Variants in ZNF69 observed in about 807,000 individuals in gnomAD.
ZNF69 encodes ZNF3.
ZNF69 carries 47 observed loss-of-function variants against 50.9 expected under a neutral mutation model. The ratio of observed to expected loss-of-function variants is 0.92; its 90% CI spans 0.73 to 1.18. The LOEUF (loss-of-function observed/expected upper bound fraction) is 1.18, where lower values mean the gene tolerates loss of function less well. Ranked by LOEUF, ZNF69 falls within the 50% of genes most tolerant of loss-of-function variation. The pLI is 0.00. For missense variants in ZNF69, 717 were observed against 675.1 expected (o/e 1.06, Z -0.69); for synonymous variants, 216 against 223.1 (o/e 0.97, Z 0.29).
chr19:11,910,948 T>A (rs1192235528), downstream of ZNF69, among the ~76,000 whole-genome samples: 1 of 152,090 alleles, frequency 6.6e-6, no homozygotes, highest in Non-Finnish European at 1.5e-5. Context: ...ATATCCAGAA[T>A]CTACAAAGAA....
the ZNF69 span, among the ~76,000 whole-genome samples, chr19:11,935,935 C>A: frequency 0.095 from 14,386 of 152,160 alleles, 1,271 homozygotes; most frequent in African/African-American, 0.24. Flanking sequence ...TCAGTTCCCA[C>A]CTATGAGTGA....
chr19:11,951,237 T>G, the ZNF69 span, among the ~76,000 whole-genome samples: 18 of 127,730 alleles, frequency 1.4e-4, no homozygotes, highest in East Asian at 1.4e-3. Context: ...CTGGTTTTTG[T>G]TTTTTTTTTT....
chr19:11,938,914 C>T, the ZNF69 span, among the ~76,000 whole-genome samples: 1 of 152,112 alleles, frequency 6.6e-6, no homozygotes, highest in South Asian at 2.1e-4. Context: ...TAATGATTGC[C>T]ATTCTAACTG....
At chr19:11,962,186 G>C in the ZNF69 span, among the ~76,000 whole-genome samples, 1 of 152,038 alleles carries the variant, frequency 6.6e-6, no homozygotes, top group Non-Finnish European at 1.5e-5. Context: ...GGAGGCTGAG[G>C]GGGGTGGATC....
the ZNF69 span, among the ~76,000 whole-genome samples, chr19:11,976,524 C>G: frequency 6.8e-6 from 1 of 146,420 alleles, no homozygotes. Context: ...CCACTGCACT[C>G]CAGCCTGGGC....
intron 1 of ZNF69, among the ~76,000 whole-genome samples, chr19:11,896,199 A>C (rs1977223421): frequency 6.8e-6 from 1 of 148,110 alleles, no homozygotes; most frequent in African/African-American, 2.5e-5. Context: ...AGCCTTGGCA[A>C]CAAGGGCGAA....
At chr19:11,948,295 G>A in the ZNF69 span, 1 of 1,613,286 alleles carries the variant, frequency 6.2e-7, no homozygotes. Flanking sequence ...AGAAGAGAAA[G>A]TCAATGAAAT....
At chr19:11,952,037 T>C in the ZNF69 span, among the ~76,000 whole-genome samples, 1 of 152,010 alleles carries the variant, frequency 6.6e-6, no homozygotes, top group South Asian at 2.1e-4. Flanking sequence ...TAGCCAGGTG[T>C]GGTTGCATGC....
At chr19:11,931,328 T>C in the ZNF69 span, among the ~76,000 whole-genome samples, 6 of 148,268 alleles carry the variant, frequency 4.0e-5, no homozygotes, top group South Asian at 1.3e-3. Context: ...TTTCTTCACA[T>C]GACAGAGGAG....
intron 1 of ZNF69, among the ~76,000 whole-genome samples, chr19:11,888,787 G>A (rs1462156100): frequency 6.6e-6 from 1 of 152,086 alleles, no homozygotes; most frequent in East Asian, 1.9e-4. Flanking sequence ...GGCCAACATG[G>A]TGAAACCCCG....
chr19:11,918,363 T>C (rs1321936853), downstream of ZNF69, among the ~76,000 whole-genome samples: 1 of 152,238 alleles, frequency 6.6e-6, no homozygotes, highest in Non-Finnish European at 1.5e-5. Context: ...TGTGATTATT[T>C]ATTGCTTTTT....
At chr19:11,927,709 T>C in the ZNF69 span, among the ~76,000 whole-genome samples, 3 of 152,198 alleles carry the variant, frequency 2.0e-5, no homozygotes, top group Non-Finnish European at 4.4e-5. Flanking sequence ...TATAATTATC[T>C]TGAAAGCACA....
intron 1 of ZNF69, among the ~76,000 whole-genome samples, chr19:11,898,908 A>T (rs1009117715): frequency 3.3e-5 from 5 of 152,228 alleles, no homozygotes; most frequent in African/African-American, 9.6e-5. Flanking sequence ...ATGCAAGAAC[A>T]TATTACATGT....
At chr19:11,891,095 A>G (rs913209413) in intron 1 of ZNF69, among the ~76,000 whole-genome samples, 1 of 152,186 alleles carries the variant, frequency 6.6e-6, no homozygotes, top group African/African-American at 2.4e-5. Flanking sequence ...AAAGAATTCA[A>G]GACGAGTCAC....
chr19:11,926,233 C>G, the ZNF69 span, among the ~76,000 whole-genome samples: 1 of 152,164 alleles, frequency 6.6e-6, no homozygotes, highest in African/African-American at 2.4e-5. Flanking sequence ...TTGCCACAAG[C>G]AGTCTGTTTT....
At chr19:11,913,558 T>C in exon 5 of ZNF69, 1 of 368,896 alleles carries the variant, frequency 2.7e-6, no homozygotes, top group Non-Finnish European at 5.0e-6. Context: ...CAGGCTAATT[T>C]TTTGTATTTT....
At chr19:11,926,608 C>G in the ZNF69 span, 1 of 154,084 alleles carries the variant, frequency 6.5e-6, no homozygotes, top group African/African-American at 2.4e-5. Context: ...AGGCTGGTCT[C>G]GAACTCCTGA....
the ZNF69 span, among the ~76,000 whole-genome samples, chr19:11,966,107 A>G: frequency 6.6e-6 from 1 of 152,322 alleles, no homozygotes; most frequent in South Asian, 2.1e-4. Flanking sequence ...ATTCCAAGGC[A>G]TGACTTACCC....
the ZNF69 span, among the ~76,000 whole-genome samples, chr19:11,965,978 T>C: frequency 1.3e-5 from 2 of 151,766 alleles, no homozygotes; most frequent in Non-Finnish European, 2.9e-5. Flanking sequence ...TGATTGAGAG[T>C]GTGAAGTTTG....
Sources: allele counts gnomAD v4.1 joint callset (sites outside exome capture counted in the v4.1 genomes callset), GRCh38; gene constraint gnomAD v4.1.1; transcripts MANE v1.5; gene names NCBI Gene and HGNC (gene_info 2026-07-23, HGNC 2026-07-21).